Variants in PC observed in about 807,000 individuals in gnomAD.
The protein encoded by PC is pyruvate carboxylase, also known as pyruvate carboxylase, mitochondrial.
A neutral mutation model predicts 107.8 loss-of-function variants in PC; 46 were observed. The observed-to-expected ratio is 0.43, with a 90% CI of 0.34 to 0.55. PC has a LOEUF of 0.55. Ranked by LOEUF, PC falls within the 20% of genes least tolerant of loss-of-function variation. The probability of loss-of-function intolerance (pLI) is 0.04; values close to 1 mark genes in which losing one functional copy is unlikely to be tolerated. For missense variants in PC, 1,241 were observed against 1,643.1 expected (o/e 0.76, Z 4.23); for synonymous variants, 662 against 684.7 (o/e 0.97, Z 0.52).
Position 66,871,622 on chromosome 11 carries a change from A to G in PC, c.321+65T>C. 2.6e-6 allele frequency: 4 copies of G among 1,559,372 alleles called. No homozygotes were observed. The highest frequency in any genetic ancestry group is 3.5e-6 in the Non-Finnish European group (4 of 1,147,252). ...GCGCTGAGCACGCCAGCCTCAAGAG[A>G]CCCCCGCGGCAACTAAGACTCCCTG... On this transcript the variant is annotated intron_variant, in intron 5 of 22. Transcript: ENST00000393960. The surrounding 1 kb of genome is among the most constrained non-coding windows in gnomAD (Gnocchi z 7.4).
In PC at chr11:66,858,749, C is replaced by T. The variant is rs1324772580; in HGVS notation, c.1368+5025G>A. On this transcript the variant is annotated intron_variant, in intron 12 of 22. Coordinates refer to ENST00000393960, the MANE Select transcript of PC (RefSeq NM_001040716.2). The surrounding 1 kb of genome is among the most constrained non-coding windows in gnomAD (Gnocchi z 5.9). ...GAGCCCGGGCTTTCCCCAACGGGAC[C>T]TTAGAGATTGGGGTGACCGGCGCTG... is the stretch of plus-strand genomic sequence containing the variant. 5 of 1,554,742 alleles carry T rather than the reference C, an allele frequency of 3.2e-6. No individual in the cohort carries two copies. In the Admixed American group the frequency reaches 9.7e-5, roughly 30 times the overall value.
intron 3 of PC, among the ~76,000 whole-genome samples, chr11:66,938,266 T>C (rs1182462348): frequency 6.6e-6 from 1 of 152,206 alleles, no homozygotes; most frequent in East Asian, 1.9e-4. Flanking sequence ...TCTTAGATTG[T>C]TGCAAGCCTT....
At position 66,851,842 on chromosome 11, in the gene PC, G is replaced by T. The variant is rs1468189989; in HGVS notation, c.1930C>A (p.Arg644=). 2 of 1,614,110 alleles carry T rather than the reference G, an allele frequency of 1.2e-6. No homozygotes were observed. Among genetic ancestry groups the T allele is most frequent in the Non-Finnish European group, 1.7e-6 (2 of 1,180,028 alleles). ...IPNIPFQMLL[R]GANAVGYTNY... is the part of the protein sequence containing the mutation. ...GTGTAGCCCACAGCATTGGCCCCCC[G>T]CAGCAGCATCTGGAAAGGGATGTTG... The change falls in exon 16 of 23, where the codon CGG becomes AGG. Residue 644 remains arginine, a synonymous_variant. Transcript: ENST00000393960.
Position 66,848,448 on chromosome 11 carries a change from A to T in PC, c.*451T>A, listed in dbSNP as rs1200482982. The T allele has an allele frequency of 1.9e-6, 1 of 526,208 alleles. No homozygotes were observed. Among genetic ancestry groups the T allele is most frequent in the Non-Finnish European group, 3.3e-6 (1 of 300,894 alleles). The allele number at this position is 526,208 out of a possible 1,614,324, so 32.6% of individuals were successfully genotyped here. On this transcript the variant is annotated 3_prime_UTR_variant, in exon 23 of 23. Transcript: ENST00000393960. ...GGAGAACGACACAACTGACCTGCCC[A>T]CCCATGGGGAGCTTGAAAGGCAGCC...
intron 3 of PC, among the ~76,000 whole-genome samples, chr11:66,929,697 A>G (rs1565293470): frequency 6.6e-6 from 1 of 151,830 alleles, no homozygotes; most frequent in Non-Finnish European, 1.5e-5. Flanking sequence ...TTTTTTTGAA[A>G]CAGAGATGGA....
At chr11:66,861,920 CCCCTAGCAGGCGCAAGGTT>C (rs1323554767) in intron 12 of PC, among the ~76,000 whole-genome samples, 1 of 152,140 alleles carries the variant, frequency 6.6e-6, no homozygotes, top group East Asian at 1.9e-4. Context: ...TCTAGCTGCA[CCCCTAGCAGGCGCAAGGTT>C]CTAGGGCCCA....
intron 3 of PC, among the ~76,000 whole-genome samples, chr11:66,896,282 T>C (rs1812331159): frequency 1.3e-5 from 2 of 152,378 alleles, no homozygotes; most frequent in Admixed American, 1.3e-4. Flanking sequence ...TTTCACCATG[T>C]TGGCCAAGAT....
At chr11:66,938,130 T>G (rs566954644) in intron 3 of PC, among the ~76,000 whole-genome samples, 1 of 152,304 alleles carries the variant, frequency 6.6e-6, no homozygotes, top group Admixed American at 6.5e-5. Context: ...AAGTCCAACA[T>G]CTAGGCTGGA....
intron 3 of PC, among the ~76,000 whole-genome samples, chr11:66,873,613 G>A (rs1249917918): frequency 7.4e-6 from 1 of 135,274 alleles, no homozygotes; most frequent in Non-Finnish European, 1.5e-5. Flanking sequence ...ATCCCTGAAT[G>A]CAAAGAGGCT....
chr11:66,894,029 T>G (rs1355831092), intron 3 of PC, among the ~76,000 whole-genome samples: 1 of 152,010 alleles, frequency 6.6e-6, no homozygotes, highest in African/African-American at 2.4e-5. Context: ...GTCCTCTTCT[T>G]ACTACTTAAC....
chr11:66,854,178 C>T (rs1436969164), intron 12 of PC, among the ~76,000 whole-genome samples: 1 of 152,232 alleles, frequency 6.6e-6, no homozygotes, highest in Non-Finnish European at 1.5e-5. Flanking sequence ...ACCTTGTGAC[C>T]TCTTCTCCAT....
rs2135944522 is a variant in PC, at chr11:66,872,145, T to C, written c.15A>G (p.Arg5=). 6.3e-7 allele frequency: 1 copy of C among 1,582,104 alleles called. No individual in the cohort carries two copies. Among genetic ancestry groups the C allele is most frequent in the Non-Finnish European group, 8.6e-7 (1 of 1,164,942 alleles). Residue 5 remains arginine (R), a synonymous_variant, in exon 4 of 23, where the codon CGA becomes CGG. Transcript: ENST00000393960. ...GGAGCCTCAGGCCCCCATGGACTGT[T>C]CGGAACTTCAGCATCTAGGGAGGGA... is the stretch of plus-strand genomic sequence containing the variant. MLKF[R]TVHGGLRLLG... is the part of the protein sequence containing the mutation.
chr11:66,895,797 G>A (rs1267764600), intron 3 of PC, among the ~76,000 whole-genome samples: 1 of 152,010 alleles, frequency 6.6e-6, no homozygotes, highest in Non-Finnish European at 1.5e-5. Context: ...AAAACAGAGG[G>A]CAAGAAAAGG....
intron 3 of PC, among the ~76,000 whole-genome samples, chr11:66,939,834 C>CA (rs1949084920): frequency 1.1e-5 from 1 of 92,576 alleles, no homozygotes; most frequent in Non-Finnish European, 2.3e-5. Context: ...AAACCAAAAA[C>CA]AAGAAAAAAC....
At chr11:66,884,158 C>T (rs369516058) in intron 3 of PC, among the ~76,000 whole-genome samples, 1 of 151,642 alleles carries the variant, frequency 6.6e-6, no homozygotes, top group African/African-American at 2.4e-5. Flanking sequence ...GCAGGAAAAT[C>T]GCTTGAACGT....
At chr11:66,879,125 G>A (rs1031076393) in intron 3 of PC, among the ~76,000 whole-genome samples, 21 of 152,152 alleles carry the variant, frequency 1.4e-4, no homozygotes, top group African/African-American at 4.8e-4. Context: ...GCCCCACACA[G>A]CTGGAAGGCC....
At chr11:66,873,418 AATATATTAT>A (rs561298740) in intron 3 of PC, among the ~76,000 whole-genome samples, 1,948 of 90,936 alleles carry the variant, frequency 0.021, 97 homozygotes, top group East Asian at 0.14. Flanking sequence ...AAATATATAT[AATATATTAT>A]ATATATTATA....
At position 66,875,342 on chromosome 11, in the gene PC, GGT is replaced by G. The variant is rs1946933969; in HGVS notation, c.1-3185_1-3184del. The stretch of plus-strand genomic sequence containing the variant: ...AAGGTAGAGGAAGAAATCCTGTATG[GGT>G]GGGTGGAGATGACTTTTCCTGCTAT... On this transcript the variant is annotated intron_variant, in intron 3 of 22. Coordinates refer to ENST00000393960, the MANE Select transcript of PC (RefSeq NM_001040716.2). Among the ~76,000 whole-genome samples, 5 of 152,246 alleles carry G rather than the reference GGT, an allele frequency of 3.3e-5. No individual in the cohort carries two copies. In the South Asian group the frequency reaches 1.0e-3, roughly 32 times the overall value.
intron 12 of PC, among the ~76,000 whole-genome samples, chr11:66,861,682 C>T (rs1407956247): frequency 6.6e-6 from 1 of 152,108 alleles, no homozygotes; most frequent in Non-Finnish European, 1.5e-5. Flanking sequence ...ACAGGAGGGC[C>T]AGGGCTGCCA....
Sources: allele counts gnomAD v4.1 joint callset (sites outside exome capture counted in the v4.1 genomes callset), GRCh38; gene constraint gnomAD v4.1.1; non-coding constraint Gnocchi (gnomAD v3.1); transcripts MANE v1.5; gene names NCBI Gene and HGNC (gene_info 2026-07-23, HGNC 2026-07-21).